ANO3: variants seen among roughly 807,000 people sequenced by gnomAD.
ANO3 encodes the protein anoctamin-3.
Under a neutral mutation model 144.8 loss-of-function variants are expected in ANO3, and 99 were observed. That is an observed-to-expected ratio of 0.68 (90% CI 0.58 to 0.81). The LOEUF is 0.81. ANO3 is among the 30% of genes least tolerant of loss of function. The probability of loss-of-function intolerance (pLI) is 0.00; values close to 1 mark genes in which losing one functional copy is unlikely to be tolerated. For missense variants in ANO3, 905 were observed against 1,202.2 expected (o/e 0.75, Z 3.66); for synonymous variants, 414 against 392.6 (o/e 1.05, Z -0.64).
intron 17 of ANO3, among the ~76,000 whole-genome samples, chr11:26,603,614 A>G (rs769946921): frequency 3.3e-5 from 5 of 152,084 alleles, no homozygotes; most frequent in Non-Finnish European, 7.4e-5. Flanking sequence ...AACATGAAAT[A>G]CAGTTATATA....
intron 26 of ANO3, among the ~76,000 whole-genome samples, chr11:26,656,912 G>C (rs1259944055): frequency 6.6e-6 from 1 of 152,128 alleles, no homozygotes; most frequent in Non-Finnish European, 1.5e-5. Context: ...ACACTGGATG[G>C]TTCAATAAAT....
intron 1 of ANO3, among the ~76,000 whole-genome samples, chr11:26,322,367 A>T (rs1286405933): frequency 3.3e-5 from 5 of 152,118 alleles, no homozygotes; most frequent in African/African-American, 1.2e-4. Flanking sequence ...CAGTATTCAT[A>T]CATTATTATC....
chr11:26,575,794 G>A (rs1283090925), intron 14 of ANO3, among the ~76,000 whole-genome samples: 2 of 152,062 alleles, frequency 1.3e-5, no homozygotes, highest in African/African-American at 4.8e-5. Flanking sequence ...ACTTGAAGCT[G>A]TTCATAGGTT....
upstream of ANO3, among the ~76,000 whole-genome samples, chr11:26,304,735 T>C (rs1205311245): frequency 1.3e-5 from 2 of 152,192 alleles, no homozygotes; most frequent in African/African-American, 4.8e-5. Context: ...GGATTTGTGT[T>C]CAATTTTTCA....
chr11:26,640,027 G>A (rs911809196), intron 21 of ANO3, among the ~76,000 whole-genome samples: 1 of 150,740 alleles, frequency 6.6e-6, no homozygotes, highest in East Asian at 1.9e-4. Context: ...TTTTTTTCTT[G>A]TGGTGGTACA....
intron 20 of ANO3, 143 bp from the exon 21 acceptor site, chr11:26,639,001 C>G: frequency 1.7e-6 from 1 of 587,700 alleles, no homozygotes; most frequent in Non-Finnish European, 3.0e-6. Flanking sequence ...CTCATACATG[C>G]TGTTTCTTTC....
chr11:26,437,011 C>T (rs1337432736), intron 1 of ANO3, among the ~76,000 whole-genome samples: 2 of 151,914 alleles, frequency 1.3e-5, no homozygotes, highest in Non-Finnish European at 2.9e-5. Context: ...GTCTGCCAAA[C>T]AGCAAAGATA....
chr11:26,662,699 C>T lies in ANO3; in HGVS notation c.*2255C>T, dbSNP rs886608082. ...TACATTGATTTATAAAATGCCTTCT[C>T]TGATACTTTTGAAACAGATGTGAAA... is the stretch of plus-strand genomic sequence containing the variant. On this transcript the variant is annotated 3_prime_UTR_variant, in exon 27 of 27. Transcript: ENST00000256737. The T allele has an allele frequency of 5.3e-5, 8 of 151,630 alleles. No homozygotes were observed. Among genetic ancestry groups the T allele is most frequent in the African/African-American group, 1.9e-4 (8 of 41,298 alleles). 9.4% of individuals were successfully genotyped at this position (151,630 alleles called of 1,614,324 possible).
rs1205695470 is a variant in ANO3 at position 26,641,936 on chromosome 11, GGAATACAT to G, written c.2185_2192del (p.Ile729CysfsTer9). On this transcript the variant is annotated frameshift_variant, in exon 22 of 27. Transcript: ENST00000256737. LOFTEE classifies it high-confidence loss of function. ...GTGGTCACGACATAAAATCAAGCGG[GGAATACAT>G]GATGCTTCCATACCTCAGTGGGAAA... is the stretch of plus-strand genomic sequence containing the variant. 6.2e-7 allele frequency: 1 copy of G among 1,613,846 alleles called. No individual in the cohort carries two copies. The highest frequency in any genetic ancestry group is 2.2e-5 in the East Asian group (1 of 44,836).
intron 1 of ANO3, among the ~76,000 whole-genome samples, chr11:26,407,074 G>GTATATA (rs1366416693): frequency 3.0e-5 from 3 of 101,634 alleles, no homozygotes; most frequent in South Asian, 3.7e-4. Context: ...GTGTGTGTGT[G>GTATATA]TGTATATATA....
intron 1 of ANO3, among the ~76,000 whole-genome samples, chr11:26,316,785 G>A (rs547155616): frequency 2.0e-5 from 3 of 152,268 alleles, no homozygotes; most frequent in Non-Finnish European, 4.4e-5. Context: ...TCTGGGATAG[G>A]AATCTTGGTG....
intron 1 of ANO3, among the ~76,000 whole-genome samples, chr11:26,410,152 A>T (rs1035275432): frequency 6.6e-6 from 1 of 151,970 alleles, no homozygotes; most frequent in Non-Finnish European, 1.5e-5. Context: ...CAGTGTCTAT[A>T]CAGTATATAT....
Position 26,641,931 on chromosome 11 carries a change from A to G in ANO3, c.2177A>G (p.Lys726Arg). Residue 726 changes from lysine to arginine, a missense_variant, in exon 22 of 27, where the codon AAG becomes AGG. Lys to Arg is a conservative substitution (Grantham distance 26). Coordinates refer to ENST00000256737, the MANE Select transcript of ANO3 (RefSeq NM_031418.4). ...IQNWWSRHKI[K>R]RGIHDASIPQ... ...AACTGGTGGTCACGACATAAAATCA[A>G]GCGGGGAATACATGATGCTTCCATA... 2 of 1,614,046 alleles carry G rather than the reference A, an allele frequency of 1.2e-6. No homozygotes were observed. Among genetic ancestry groups the G allele is most frequent in the Non-Finnish European group, 1.7e-6 (2 of 1,179,984 alleles).
Position 26,300,930 on chromosome 11 carries a change from T to TATGGCAATCCCAGAATGACA in ANO3, c.155-8715_155-8714insATGGCAATCCCAGAATGACA, listed in dbSNP as rs1483853173. 5.3e-5 allele frequency among the ~76,000 whole-genome samples: 7 copies of TATGGCAATCCCAGAATGACA among 132,404 alleles called. No homozygotes were observed. The East Asian group carries it at 7.7e-4, about 15-fold the overall frequency. 86.9% of individuals were successfully genotyped at this position (132,404 alleles called of 152,430 possible). On this transcript the variant is annotated intron_variant, in intron 1 of 27. Coordinates refer to the ANO3 transcript ENST00000672621. Reference sequence around the variant, plus strand: ...GTGCAGTGGTGCAATTTCCACTCACTGCCACCTCTGCCTCCTGGGCTCAAG... The same window carrying TATGGCAATCCCAGAATGACA: ...GTGCAGTGGTGCAATTTCCACTCACTATGGCAATCCCAGAATGACAGCCACCTCTGCCTCCTGGGCTCAAG...
At chr11:26,531,168 C>A in intron 7 of ANO3, 37 bp from the exon 8 acceptor site, 1 of 1,609,178 alleles carries the variant, frequency 6.2e-7, no homozygotes. Context: ...CTTTGGAATA[C>A]AACCTAATCT....
At chr11:26,200,930 C>T (rs1851681359) in intron 1 of ANO3, among the ~76,000 whole-genome samples, 1 of 152,076 alleles carries the variant, frequency 6.6e-6, no homozygotes, top group African/African-American at 2.4e-5. Context: ...AAAATCTTTC[C>T]TGCTTTAAAT....
intron 1 of ANO3, among the ~76,000 whole-genome samples, chr11:26,422,969 A>G (rs1243746213): frequency 6.6e-6 from 1 of 152,018 alleles, no homozygotes; most frequent in Non-Finnish European, 1.5e-5. Flanking sequence ...AGTTCAGAAA[A>G]TGAAAAAGCA....
chr11:26,508,079 T>C (rs778586057), intron 4 of ANO3, 25 bp from the exon 5 acceptor site: 2 of 1,568,748 alleles, frequency 1.3e-6, no homozygotes, highest in Non-Finnish European at 1.7e-6. Flanking sequence ...ACCCACACCA[T>C]TAACAATCAT....
chr11:26,528,619 T>C (rs1849226338), intron 7 of ANO3, among the ~76,000 whole-genome samples: 1 of 152,126 alleles, frequency 6.6e-6, no homozygotes, highest in African/African-American at 2.4e-5. Flanking sequence ...AGCCTCCTAA[T>C]GAAGGAGAAC....
Sources: allele counts gnomAD v4.1 joint callset (sites outside exome capture counted in the v4.1 genomes callset), GRCh38; gene constraint gnomAD v4.1.1; transcripts MANE v1.5; gene names NCBI Gene and HGNC (gene_info 2026-07-23, HGNC 2026-07-21).